GRK4: variants seen among roughly 807,000 people sequenced by gnomAD.
The protein encoded by GRK4 is G protein-coupled receptor kinase 4.
A neutral mutation model predicts 77.9 loss-of-function variants in GRK4; 73 were observed. The observed-to-expected ratio is 0.94, with a 90% CI of 0.78 to 1.14. The LOEUF (loss-of-function observed/expected upper bound fraction) is 1.14. Among genes scored for constraint, GRK4 ranks in the 50% most tolerant of loss-of-function variants. The probability of loss-of-function intolerance (pLI) is 0.00; values close to 1 mark genes in which losing one functional copy is unlikely to be tolerated. For missense variants in GRK4, 729 were observed against 700.2 expected (o/e 1.04, Z -0.46); for synonymous variants, 257 against 254.4 (o/e 1.01, Z -0.10).
intron 4 of GRK4, among the ~76,000 whole-genome samples, chr4:2,994,606 A>G (rs1041497963): frequency 6.6e-6 from 1 of 152,232 alleles, no homozygotes; most frequent in African/African-American, 2.4e-5. Context: ...GGCATCAAGA[A>G]GAAAGAAATA....
At position 3,004,333 on chromosome 4, in the gene GRK4, A is replaced by G. The variant is rs766926575; in HGVS notation, c.442A>G (p.Arg148Gly). The part of the protein sequence containing the change: ...PSKKAFEECT[R>G]VAHNYLRGEP... ...CAAAAAAGCCTTTGAGGAATGTACT[A>G]GGTAAGTGGTTCATGCTGAGCCCTG... Residue 148 changes from arginine to glycine, a missense_variant and splice_region_variant, in exon 5 of 16, where the codon AGA becomes GGA. Arg to Gly is a moderately radical substitution (Grantham distance 125). Coordinates refer to ENST00000398052, the MANE Select transcript of GRK4 (RefSeq NM_182982.3). The G allele has an allele frequency of 3.2e-6, 5 of 1,581,404 alleles. No homozygotes were observed. Among genetic ancestry groups the G allele is most frequent in the Non-Finnish European group, 4.3e-6 (5 of 1,150,198 alleles).
At position 2,984,523 on chromosome 4, in the gene GRK4, CA is replaced by C; in HGVS notation, c.70del (p.Ser24ValfsTer11). On this transcript the variant is annotated frameshift_variant, in exon 2 of 16. Coordinates refer to ENST00000398052, the MANE Select transcript of GRK4 (RefSeq NM_182982.3). LOFTEE classifies it high-confidence loss of function. Reference sequence around the variant, plus strand: ...TTCTCCCAAATTCAGGAGGATATGGCAAAAAAAGTGGTCGTAGTAAAAAATG... The same window carrying C: ...TTCTCCCAAATTCAGGAGGATATGGCAAAAAAGTGGTCGTAGTAAAAAATG... ...LLKARQGGYGKKSGRSKKWKE... is the reference protein window; with the variant it reads ...LLKARQGGYGXKSGRSKKWKE... 4 of 1,608,722 alleles carry C rather than the reference CA, an allele frequency of 2.5e-6. No individual in the cohort carries two copies. Among genetic ancestry groups the C allele is most frequent in the Admixed American group, 1.7e-5 (1 of 59,662 alleles).
chr4:2,965,341 C>T (rs1000534086), intron 1 of GRK4: 2 of 703,096 alleles, frequency 2.8e-6, no homozygotes, highest in East Asian at 2.7e-5. Context: ...CCTCATGTCT[C>T]CCTTGCCTGC....
chr4:3,007,735 G>A lies in GRK4; in HGVS notation c.444-1G>A, dbSNP rs1462145139. The A allele has an allele frequency of 6.4e-7, 1 of 1,567,552 alleles. No individual in the cohort carries two copies. The highest frequency in any genetic ancestry group is 1.4e-5 in the African/African-American group (1 of 72,740). On this transcript the variant is annotated splice_acceptor_variant, in intron 5 of 15. Transcript: ENST00000398052. LOFTEE classifies it high-confidence loss of function. ...TATAATTTTAAAAAATCTTTTTCTA[G>A]AGTTGCCCATAACTACCTAAGAGGG...
At chr4:3,034,990 G>A (rs1198998185) in intron 12 of GRK4, among the ~76,000 whole-genome samples, 1 of 152,124 alleles carries the variant, frequency 6.6e-6, no homozygotes, top group Admixed American at 6.5e-5. Flanking sequence ...GGGCGCGGTG[G>A]CTCACGACTG....
At chr4:2,990,445 C>T (rs1040329538) in intron 3 of GRK4, among the ~76,000 whole-genome samples, 18 of 151,870 alleles carry the variant, frequency 1.2e-4, no homozygotes, top group Non-Finnish European at 2.2e-4. Flanking sequence ...TTAGTAGAGA[C>T]GGGGTTTCCC....
At chr4:2,985,677 C>A in intron 2 of GRK4, 1 of 244,902 alleles carries the variant, frequency 4.1e-6, no homozygotes, top group Non-Finnish European at 8.2e-6. Context: ...TGAGAGTTAG[C>A]TACAGGTCCT....
chr4:2,966,536 C>T (rs758071075), intron 1 of GRK4: 1 of 152,140 alleles, frequency 6.6e-6, no homozygotes, highest in Non-Finnish European at 1.5e-5. Context: ...CAGAAAGCAT[C>T]ATTATGTATA....
At chr4:3,027,881 G>T in intron 10 of GRK4, 31 bp from the exon 11 acceptor site, 1 of 1,588,090 alleles carries the variant, frequency 6.3e-7, no homozygotes, top group South Asian at 1.1e-5. Context: ...CTTCCCCCGT[G>T]ACCTGTGTAA....
intron 12 of GRK4, among the ~76,000 whole-genome samples, chr4:3,030,067 CTTTCATGTA>C (rs1402119276): frequency 6.6e-6 from 1 of 152,182 alleles, no homozygotes; most frequent in Non-Finnish European, 1.5e-5. Context: ...TAAAACCAAT[CTTTCATGTA>C]TTTTGAGGTG....
intron 1 of GRK4, among the ~76,000 whole-genome samples, chr4:2,968,272 G>C (rs1003335839): frequency 7.2e-5 from 11 of 152,100 alleles, no homozygotes; most frequent in African/African-American, 2.7e-4. Context: ...TACGTAATAC[G>C]TGCATTTAAT....
intron 1 of GRK4, among the ~76,000 whole-genome samples, chr4:2,970,717 T>G (rs1309997743): frequency 2.0e-5 from 3 of 151,596 alleles, no homozygotes; most frequent in Admixed American, 6.6e-5. Context: ...TCGCCCAGGC[T>G]GGAGTGCAGT....
intron 8 of GRK4, among the ~76,000 whole-genome samples, chr4:3,018,978 T>G (rs75130337): frequency 0.015 from 2,284 of 152,260 alleles, 46 homozygotes; most frequent in African/African-American, 0.049. Context: ...CTAATTGATC[T>G]GTAGATTAAA....
At chr4:3,002,689 C>G (rs1423327732) in intron 4 of GRK4, among the ~76,000 whole-genome samples, 2 of 152,002 alleles carry the variant, frequency 1.3e-5, no homozygotes, top group African/African-American at 4.8e-5. Context: ...GACCACAGAA[C>G]AAGACTCCAT....
At chr4:3,035,319 G>C in intron 12 of GRK4, 67 bp from the exon 13 acceptor site, 1 of 1,495,882 alleles carries the variant, frequency 6.7e-7, no homozygotes, top group Non-Finnish European at 9.3e-7. Flanking sequence ...TTATTATTAT[G>C]CAGGGGAGTT....
chr4:2,991,701 G>A (rs534765022), intron 3 of GRK4, among the ~76,000 whole-genome samples: 5 of 151,936 alleles, frequency 3.3e-5, no homozygotes, highest in African/African-American at 4.8e-5. Flanking sequence ...TAGTACAGAC[G>A]GGTTTTCACT....
chr4:3,008,376 G>A (rs1275955847), intron 6 of GRK4, among the ~76,000 whole-genome samples: 1 of 152,174 alleles, frequency 6.6e-6, no homozygotes, highest in African/African-American at 2.4e-5. Context: ...GCTTGTATGA[G>A]TGGCAGGTCC....
At chr4:3,034,785 C>T (rs1474338592) in intron 12 of GRK4, among the ~76,000 whole-genome samples, 1 of 152,114 alleles carries the variant, frequency 6.6e-6, no homozygotes, top group Middle Eastern at 3.2e-3. Context: ...GTTTCTGTTT[C>T]CTCTTTAAAA....
chr4:2,965,064 A>G (rs1184263971), intron 1 of GRK4, among the ~76,000 whole-genome samples: 2 of 152,224 alleles, frequency 1.3e-5, no homozygotes, highest in Non-Finnish European at 2.9e-5. Flanking sequence ...CAGTTATGCT[A>G]TAGATTATGT....
Sources: gnomAD v4.1 joint callset for allele counts (sites outside exome capture counted in the v4.1 genomes callset) on GRCh38, gnomAD v4.1.1 for gene constraint, MANE v1.5 for transcripts, NCBI Gene and HGNC (gene_info 2026-07-23, HGNC 2026-07-21) for gene names.